CLIC5: variants seen among roughly 807,000 people sequenced by gnomAD.
CLIC5 encodes chloride intracellular channel protein 5.
Under a neutral mutation model 24.7 loss-of-function variants are expected in CLIC5, and 20 were observed. The observed-to-expected ratio is 0.81, with a 90% CI of 0.57 to 1.18. CLIC5 has a LOEUF of 1.18. Ranked by LOEUF, CLIC5 falls within the 50% of genes most tolerant of loss-of-function variation. The pLI is 0.00. For synonymous variants in CLIC5, 159 were observed against 135.6 expected, an observed-to-expected ratio of 1.17 and a Z score of -1.20; for missense variants, 341 against 326.1, an observed-to-expected ratio of 1.05 and a Z score of -0.35.
intron 1 of CLIC5, among the ~76,000 whole-genome samples, chr6:46,021,258 A>G (rs72856999): frequency 0.017 from 2,519 of 152,304 alleles, 32 homozygotes; most frequent in South Asian, 0.049. Context: ...AATGGTTACA[A>G]TGTGCATTCA....
intron 4 of CLIC5, among the ~76,000 whole-genome samples, chr6:45,938,570 A>G (rs779821018): frequency 7.2e-5 from 11 of 152,188 alleles, no homozygotes; most frequent in Non-Finnish European, 1.5e-4. Context: ...GGGAAGCAGG[A>G]GTCACAAGGG....
chr6:45,928,484 T>C (rs1290671835), intron 4 of CLIC5, among the ~76,000 whole-genome samples: 2 of 152,194 alleles, frequency 1.3e-5, no homozygotes, highest in Non-Finnish European at 2.9e-5. Flanking sequence ...CAAGGGGTTA[T>C]GAATGTAGTA....
At chr6:46,042,476 G>C (rs1381696716) in intron 1 of CLIC5, among the ~76,000 whole-genome samples, 2 of 152,142 alleles carry the variant, frequency 1.3e-5, no homozygotes, top group African/African-American at 2.4e-5. Context: ...AGGTGGGGCA[G>C]GCAGGCCTTG....
chr6:46,010,427 C>A (rs1018296553), intron 1 of CLIC5, among the ~76,000 whole-genome samples: 11 of 152,210 alleles, frequency 7.2e-5, no homozygotes, highest in African/African-American at 2.7e-4. Context: ...TCCTGGCCAA[C>A]ACACTGGTGA....
chr6:46,099,158 G>C, the CLIC5 span, among the ~76,000 whole-genome samples: 3 of 152,224 alleles, frequency 2.0e-5, no homozygotes, highest in African/African-American at 7.2e-5. Context: ...AGAAGGTAGA[G>C]AGGTTGTCCC....
Position 45,916,120 on chromosome 6 carries a change from GA to G in CLIC5, c.407-1712del, listed in dbSNP as rs1299868417. On this transcript the variant is annotated intron_variant, in intron 4 of 5. Transcript: ENST00000339561. ...AGAAGGCCTTTTGTTTGAGACAATG[GA>G]AAGACACCAGCCCAAGATAAATCAA... Among the ~76,000 whole-genome samples the G allele has an allele frequency of 2.0e-5, 3 of 152,300 alleles. No homozygotes were observed. The East Asian group carries it at 5.8e-4, about 29-fold the overall frequency.
At chr6:46,033,396 G>T (rs1767567991) in intron 1 of CLIC5, among the ~76,000 whole-genome samples, 1 of 152,012 alleles carries the variant, frequency 6.6e-6, no homozygotes, top group African/African-American at 2.4e-5. Context: ...TCAGGCATTT[G>T]GGCAGTCAGA....
intron 3 of CLIC5, among the ~76,000 whole-genome samples, chr6:45,947,121 C>T (rs1004226979): frequency 6.6e-6 from 1 of 152,138 alleles, no homozygotes; most frequent in African/African-American, 2.4e-5. Flanking sequence ...GAAATGATGA[C>T]GAAGTCAGAT....
At chr6:46,000,987 C>T (rs1302868970) in intron 1 of CLIC5, among the ~76,000 whole-genome samples, 1 of 152,214 alleles carries the variant, frequency 6.6e-6, no homozygotes, top group Non-Finnish European at 1.5e-5. Context: ...TATTCCTTCA[C>T]TCTACAGTGT....
chr6:46,032,197 A>G (rs1367816908), intron 1 of CLIC5, among the ~76,000 whole-genome samples: 2 of 152,186 alleles, frequency 1.3e-5, no homozygotes, highest in African/African-American at 4.8e-5. Flanking sequence ...TTACATGGCT[A>G]TAGCAGGAGG....
At chr6:46,106,481 C>T in the CLIC5 span, among the ~76,000 whole-genome samples, 19 of 152,166 alleles carry the variant, frequency 1.2e-4, no homozygotes, top group African/African-American at 4.3e-4. Flanking sequence ...TATTAGGTCC[C>T]CCATAAAACC....
At chr6:46,026,097 T>G (rs189817791) in intron 1 of CLIC5, among the ~76,000 whole-genome samples, 1 of 152,330 alleles carries the variant, frequency 6.6e-6, no homozygotes, top group Admixed American at 6.5e-5. Context: ...TGGTATGGCA[T>G]GAGCTCTTTG....
At chr6:46,037,003 C>A (rs1326782441) in intron 1 of CLIC5, among the ~76,000 whole-genome samples, 1 of 152,060 alleles carries the variant, frequency 6.6e-6, no homozygotes, top group Non-Finnish European at 1.5e-5. Context: ...GAAAAAAATA[C>A]CTTCCCCCAT....
the CLIC5 span, among the ~76,000 whole-genome samples, chr6:46,091,625 C>A: frequency 6.6e-6 from 1 of 152,144 alleles, no homozygotes; most frequent in South Asian, 2.1e-4. Flanking sequence ...GTGGTCCCAG[C>A]TACTTGGGAG....
intron 6 of CLIC5, among the ~76,000 whole-genome samples, chr6:45,889,215 A>G (rs1024767868): frequency 8.8e-6 from 1 of 113,842 alleles, no homozygotes; most frequent in Non-Finnish European, 1.8e-5. Context: ...CTAGGGGCAG[A>G]GGGAAATTAT....
chr6:45,996,781 A>G (rs898590370), intron 1 of CLIC5, among the ~76,000 whole-genome samples: 19 of 152,030 alleles, frequency 1.2e-4, no homozygotes, highest in African/African-American at 4.6e-4. Flanking sequence ...CATCAGAGAA[A>G]TGCAAATCAA....
At chr6:46,020,958 T>C (rs1043085764) in intron 1 of CLIC5, among the ~76,000 whole-genome samples, 6 of 151,874 alleles carry the variant, frequency 4.0e-5, no homozygotes, top group East Asian at 3.9e-4. Flanking sequence ...CAGCCCCATA[T>C]ACCTTCATTA....
the CLIC5 span, among the ~76,000 whole-genome samples, chr6:46,122,191 C>T: frequency 3.9e-5 from 6 of 152,320 alleles, no homozygotes; most frequent in South Asian, 1.2e-3. Flanking sequence ...GAAAGCACTC[C>T]TCAGCAAATG....
At chr6:46,080,248 T>C (rs201544425) in exon 1 of CLIC5, 101 of 1,548,296 alleles carry the variant, frequency 6.5e-5, no homozygotes, top group Admixed American at 9.9e-5. Context: ...TTCATGCTTA[T>C]TGATCCGAGA....
Sources: allele counts gnomAD v4.1 joint callset (sites outside exome capture counted in the v4.1 genomes callset), GRCh38; gene constraint gnomAD v4.1.1; transcripts MANE v1.5; gene names NCBI Gene and HGNC (gene_info 2026-07-23, HGNC 2026-07-21).